DOCK4: variants seen among roughly 807,000 people sequenced by gnomAD.
DOCK4 encodes dedicator of cytokinesis 4, also known as dedicator of cytokinesis protein 4.
In DOCK4, 97 loss-of-function variants were observed where a neutral mutation model predicts 268.1. The ratio of observed to expected loss-of-function variants is 0.36; its 90% confidence interval spans 0.31 to 0.43. The LOEUF is 0.43. Ranked by LOEUF, DOCK4 falls within the 20% of genes least tolerant of loss-of-function variation. The pLI, the probability that DOCK4 is intolerant of heterozygous loss-of-function variation, is 1.00. For missense variants in DOCK4, 2,145 were observed against 2,455.7 expected (o/e 0.87, Z 2.67); for synonymous variants, 954 against 887.2 (o/e 1.08, Z -1.34).
chr7:111,910,962 G>T (rs527865405), intron 13 of DOCK4, among the ~76,000 whole-genome samples: 1 of 152,312 alleles, frequency 6.6e-6, no homozygotes, highest in South Asian at 2.1e-4. Context: ...GAGAATTTCT[G>T]CGCCTACGTT....
Position 111,872,260 on chromosome 7 carries a change from T to A in DOCK4, c.1926+9A>T. The A allele has an allele frequency of 6.6e-7, 1 of 1,521,092 alleles. No homozygotes were observed. 94.2% of individuals were successfully genotyped at this position (1,521,092 alleles called of 1,614,324 possible). A position where few individuals can be genotyped will look rare whatever the true frequency, so the allele number is the denominator to read the frequency against. ...CAGTTAAAATACAATTAAGGGAATT[T>A]GAACTTACCAAAGAATCAAACACTT... On this transcript the variant is annotated intron_variant, in intron 19 of 52. Transcript: ENST00000428084.
chr7:111,947,743 G>C (rs1010063484), intron 8 of DOCK4, among the ~76,000 whole-genome samples: 1 of 151,824 alleles, frequency 6.6e-6, no homozygotes, highest in Non-Finnish European at 1.5e-5. Context: ...TTTTGGGTCG[G>C]GGGGAGGTCT....
At position 111,867,994 on chromosome 7, in the gene DOCK4, G is replaced by C; in HGVS notation, c.2270C>G (p.Ser757Cys). The change falls in exon 22 of 53, where the codon TCT (serine) becomes TGT (cysteine). Residue 757 changes from serine to cysteine, a missense_variant. Ser to Cys is a moderately radical substitution (Grantham distance 112). Around this residue, in one of 2 missense-constraint regions of DOCK4, gnomAD observed 1,598 missense variants for 1,986.7 expected, o/e 0.80. Coordinates refer to ENST00000428084, the MANE Select transcript of DOCK4 (RefSeq NM_001363540.2). ...SQESKGSGAL[S>C]QSQAVFLSSF... Reference sequence around the variant, plus strand: ...ATGAAAAGAAATTACCTGTGACTGAGATAATGCTCCAGACCCTTTGCTCTC... The same window carrying C: ...ATGAAAAGAAATTACCTGTGACTGACATAATGCTCCAGACCCTTTGCTCTC... 3 of 1,599,414 alleles carry C rather than the reference G, an allele frequency of 1.9e-6. No individual in the cohort carries two copies. Among genetic ancestry groups the C allele is most frequent in the African/African-American group, 2.7e-5 (2 of 74,106 alleles).
intron 1 of DOCK4, among the ~76,000 whole-genome samples, chr7:112,139,095 G>A (rs1189946984): frequency 6.6e-6 from 1 of 152,122 alleles, no homozygotes; most frequent in Non-Finnish European, 1.5e-5. Context: ...AGCAGACTAA[G>A]GCAGTAATTG....
intron 23 of DOCK4, among the ~76,000 whole-genome samples, chr7:111,852,123 C>T (rs1044521495): frequency 5.3e-5 from 8 of 152,036 alleles, no homozygotes; most frequent in Non-Finnish European, 7.4e-5. Context: ...CCGCCATGCC[C>T]GGCTAATGTT....
chr7:112,049,958 TG>T (rs1805198229), intron 1 of DOCK4, among the ~76,000 whole-genome samples: 1 of 152,170 alleles, frequency 6.6e-6, no homozygotes, highest in African/African-American at 2.4e-5. Context: ...CCAGGGCACA[TG>T]GATATAATCC....
At chr7:112,005,194 A>G (rs1282793811) in intron 1 of DOCK4, among the ~76,000 whole-genome samples, 1 of 152,236 alleles carries the variant, frequency 6.6e-6, no homozygotes. Flanking sequence ...AGATTTAGAT[A>G]TAACTCCAAT....
At chr7:112,177,280 C>T (rs763160559) in intron 1 of DOCK4, among the ~76,000 whole-genome samples, 10 of 152,160 alleles carry the variant, frequency 6.6e-5, no homozygotes, top group Non-Finnish European at 1.5e-4. Context: ...AGGCAAGTAA[C>T]CTTTCTAAAT....
chr7:111,846,717 T>C (rs1471420011), intron 24 of DOCK4, among the ~76,000 whole-genome samples: 3 of 152,194 alleles, frequency 2.0e-5, no homozygotes, highest in Admixed American at 6.5e-5. Context: ...CATATCAAGA[T>C]TAAAGACACA....
intron 1 of DOCK4, among the ~76,000 whole-genome samples, chr7:112,094,230 A>AT (rs141901410): frequency 0.34 from 51,991 of 151,854 alleles, 9,774 homozygotes; most frequent in Non-Finnish European, 0.43. Flanking sequence ...GAAAAAAAAA[A>AT]CTACAATGGT....
At chr7:111,919,765 T>C (rs1471159490) in intron 12 of DOCK4, among the ~76,000 whole-genome samples, 1 of 152,162 alleles carries the variant, frequency 6.6e-6, no homozygotes, top group Non-Finnish European at 1.5e-5. Context: ...CATCAAATCT[T>C]TCCACAAAGA....
intron 1 of DOCK4, among the ~76,000 whole-genome samples, chr7:112,173,543 C>A (rs11768012): frequency 2.0e-5 from 3 of 151,978 alleles, no homozygotes; most frequent in Admixed American, 1.3e-4. Context: ...CTTTTATGGG[C>A]GGTCAGCAGC....
intron 1 of DOCK4, among the ~76,000 whole-genome samples, chr7:112,201,809 C>T (rs1034334401): frequency 6.6e-6 from 1 of 152,138 alleles, no homozygotes; most frequent in Non-Finnish European, 1.5e-5. Context: ...CTCACCAAAA[C>T]TTTGTACACT....
chr7:112,105,502 C>A (rs1197144540), intron 1 of DOCK4, among the ~76,000 whole-genome samples: 1 of 150,880 alleles, frequency 6.6e-6, no homozygotes, highest in Non-Finnish European at 1.5e-5. Context: ...TATGAGTTAA[C>A]TTGGATAAAC....
At chr7:112,134,293 T>G (rs1487723329) in intron 1 of DOCK4, among the ~76,000 whole-genome samples, 1 of 152,192 alleles carries the variant, frequency 6.6e-6, no homozygotes, top group Non-Finnish European at 1.5e-5. Context: ...AAACACCCTA[T>G]GCCAAACCAT....
intron 12 of DOCK4, among the ~76,000 whole-genome samples, chr7:111,919,578 A>T (rs1477475723): frequency 6.6e-6 from 1 of 152,228 alleles, no homozygotes; most frequent in Non-Finnish European, 1.5e-5. Context: ...TAAAGCCCTC[A>T]GTGTAATTAT....
At chr7:111,858,525 G>A (rs1805206285) in intron 23 of DOCK4, among the ~76,000 whole-genome samples, 1 of 152,178 alleles carries the variant, frequency 6.6e-6, no homozygotes, top group Non-Finnish European at 1.5e-5. Context: ...AGAAAACGCT[G>A]AGTAATGGAG....
At chr7:112,092,243 G>A (rs534094387) in intron 1 of DOCK4, among the ~76,000 whole-genome samples, 27 of 152,208 alleles carry the variant, frequency 1.8e-4, no homozygotes, top group African/African-American at 6.3e-4. Context: ...TATCCACCAC[G>A]CAGTATGTTT....
At chr7:111,948,786 G>T (rs1035253455) in intron 8 of DOCK4, among the ~76,000 whole-genome samples, 1 of 151,702 alleles carries the variant, frequency 6.6e-6, no homozygotes, top group Non-Finnish European at 1.5e-5. Context: ...GTAGAGACAG[G>T]GTTTCACCAT....
Sources: gnomAD v4.1 joint callset for allele counts (sites outside exome capture counted in the v4.1 genomes callset) on GRCh38, gnomAD v4.1.1 for gene constraint, gnomAD v4.1.1 regional missense constraint, MANE v1.5 for transcripts, NCBI Gene and HGNC (gene_info 2026-07-23, HGNC 2026-07-21) for gene names.